Variants in AGO3 observed in about 807,000 individuals in gnomAD.
The protein encoded by AGO3 is argonaute RISC catalytic component 3, also known as protein argonaute-3.
Under a neutral mutation model 105.5 loss-of-function variants are expected in AGO3, and 16 were observed. The observed-to-expected ratio is 0.15, with a 90% CI of 0.10 to 0.23. AGO3 has a LOEUF of 0.23. Ranked by LOEUF, AGO3 falls within the 10% of genes least tolerant of loss-of-function variation. The pLI is 1.00. For synonymous variants in AGO3, 340 were observed against 367.3 expected (o/e 0.93, Z 0.85); for missense variants, 534 against 1,088.0 (o/e 0.49, Z 7.16).
At chr1:35,964,824 T>C (rs1000158292) in intron 2 of AGO3, among the ~76,000 whole-genome samples, 1 of 152,174 alleles carries the variant, frequency 6.6e-6, no homozygotes, top group Non-Finnish European at 1.5e-5. Context: ...CCATTCTGAC[T>C]GGCATGAGAT....
intron 13 of AGO3, among the ~76,000 whole-genome samples, chr1:36,035,418 ATAAAG>A (rs1375453005): frequency 2.0e-5 from 3 of 152,122 alleles, no homozygotes; most frequent in Admixed American, 6.6e-5. Context: ...CAATAATAAC[ATAAAG>A]TAAAATAAAA....
At chr1:36,054,868 C>T in intron 17 of AGO3, 78 bp from the exon 18 acceptor site, 1 of 1,400,610 alleles carries the variant, frequency 7.1e-7, no homozygotes, top group Non-Finnish European at 1.0e-6. Context: ...GGTGACAGAG[C>T]AAGACTTTGT....
chr1:35,946,887 G>A (rs910738906), intron 2 of AGO3, among the ~76,000 whole-genome samples: 2 of 152,176 alleles, frequency 1.3e-5, no homozygotes, highest in African/African-American at 4.8e-5. Context: ...CTCTTAAGAA[G>A]TTAACTAATC....
At chr1:35,977,912 A>G (rs1646981907) in intron 5 of AGO3, among the ~76,000 whole-genome samples, 1 of 152,192 alleles carries the variant, frequency 6.6e-6, no homozygotes, top group Non-Finnish European at 1.5e-5. Flanking sequence ...TTTATTTTAG[A>G]AAACAAAATG....
intron 6 of AGO3, among the ~76,000 whole-genome samples, chr1:36,006,718 T>G (rs1640352067): frequency 1.3e-5 from 2 of 152,212 alleles, no homozygotes; most frequent in Non-Finnish European, 2.9e-5. Flanking sequence ...GACATTTTTG[T>G]CTTATAAAGG....
chr1:36,013,786 A>G, intron 10 of AGO3, 34 bp downstream of exon 10: 1 of 1,608,660 alleles, frequency 6.2e-7, no homozygotes, highest in Non-Finnish European at 8.5e-7. Flanking sequence ...AATCATACAC[A>G]TATTGTCTGT....
At position 36,013,713 on chromosome 1, in the gene AGO3, A is replaced by T. The variant is rs1448693365; in HGVS notation, c.1233A>T (p.Gly411=). 3 of 1,614,062 alleles carry T rather than the reference A, an allele frequency of 1.9e-6. No homozygotes were observed. In the African/African-American group the frequency reaches 4.0e-5, roughly 22 times the overall value. ...KVRDEMAHVT[G]RVLPAPMLQY... ...GGGATGAAATGGCTCATGTAACTGG[A>T]CGCGTACTTCCAGCACCTATGCTCC... The change falls in exon 10 of 19, where the codon GGA becomes GGT. Residue 411 remains glycine, a synonymous_variant. Transcript: ENST00000373191.
At chr1:36,014,827 A>T (rs141554860) in intron 11 of AGO3, among the ~76,000 whole-genome samples, 72 of 152,010 alleles carry the variant, frequency 4.7e-4, no homozygotes, top group African/African-American at 1.6e-3. Context: ...TGTTAGTCAT[A>T]GTAAATTCCT....
At chr1:35,947,145 T>C (rs1646381571) in intron 2 of AGO3, among the ~76,000 whole-genome samples, 2 of 152,106 alleles carry the variant, frequency 1.3e-5, no homozygotes, top group Non-Finnish European at 2.9e-5. Flanking sequence ...AGGATAGCAG[T>C]AACAAAAGCA....
At chr1:35,939,008 A>G (rs1172794716) in intron 1 of AGO3, among the ~76,000 whole-genome samples, 4 of 152,216 alleles carry the variant, frequency 2.6e-5, no homozygotes, top group Non-Finnish European at 5.9e-5. Context: ...GTTATTATCC[A>G]GTACATACAA....
chr1:35,999,447 T>C (rs182900939), intron 5 of AGO3, among the ~76,000 whole-genome samples: 126 of 152,336 alleles, frequency 8.3e-4, no homozygotes, highest in African/African-American at 3.0e-3. Flanking sequence ...CCTGTTGATA[T>C]TTTGACTGAA....
chr1:36,039,628 C>T (rs1642167815), intron 14 of AGO3, among the ~76,000 whole-genome samples, 162 bp from the exon 15 acceptor site: 1 of 151,808 alleles, frequency 6.6e-6, no homozygotes, highest in Non-Finnish European at 1.5e-5. Context: ...ACTATAGGCA[C>T]ATGCCGTCAT....
chr1:35,945,406 T>C (rs1404459219), intron 1 of AGO3, among the ~76,000 whole-genome samples: 1 of 152,144 alleles, frequency 6.6e-6, no homozygotes, highest in East Asian at 1.9e-4. Flanking sequence ...ACTCTTTAGG[T>C]CTGACTTGTG....
At chr1:36,030,722 C>T (rs1355840300) in intron 12 of AGO3, among the ~76,000 whole-genome samples, 1 of 152,166 alleles carries the variant, frequency 6.6e-6, no homozygotes, top group Non-Finnish European at 1.5e-5. Flanking sequence ...CTCAAGTCAT[C>T]CTCCCGCCTC....
intron 17 of AGO3, among the ~76,000 whole-genome samples, chr1:36,044,454 C>T: frequency 6.6e-6 from 1 of 151,864 alleles, no homozygotes; most frequent in Middle Eastern, 3.2e-3. Context: ...GACAGAGTCT[C>T]ACTCTGTTGC....
At chr1:35,995,215 T>TAC (rs1648198107) in intron 5 of AGO3, among the ~76,000 whole-genome samples, 1 of 126,822 alleles carries the variant, frequency 7.9e-6, no homozygotes, top group Non-Finnish European at 1.7e-5. Flanking sequence ...AAAAAATATA[T>TAC]ATATATATAT....
rs112508712 is a variant in AGO3 at position 35,968,903 on chromosome 1, G to GTT, written c.312+1838_312+1839dup. ...CATGCCAACACTTGTTTTCTGTTTT[G>GTT]TTTTTTTTTTTGTTCGTTTTCTAAT... On this transcript the variant is annotated intron_variant, in intron 3 of 18. Transcript: ENST00000373191. Among the ~76,000 whole-genome samples the GTT allele has an allele frequency of 2.8e-3, 403 of 143,724 alleles. 1 individual carries two copies. The highest frequency in any genetic ancestry group is 0.014 in the Middle Eastern group (4 of 276). 94.3% of individuals were successfully genotyped at this position (143,724 alleles called of 152,430 possible).
At position 36,013,641 on chromosome 1, in the gene AGO3, A is replaced by G. The variant is rs1417882591; in HGVS notation, c.1161A>G (p.Ala387=). The change falls in exon 10 of 19, where the codon GCA becomes GCG. Residue 387 remains alanine, a synonymous_variant. Coordinates refer to ENST00000373191, the MANE Select transcript of AGO3 (RefSeq NM_024852.4). ...TTTTCTATTTTTAGGTAAGAAGTGC[A>G]AATTATGAAACAGATCCATTTGTTC... ...QEEISRLVRS[A]NYETDPFVQE... The G allele has an allele frequency of 1.2e-6, 2 of 1,613,460 alleles. No individual in the cohort carries two copies. The highest frequency in any genetic ancestry group is 2.2e-5 in the South Asian group (2 of 90,814).
At position 36,059,562 on chromosome 1, in the gene AGO3, T is replaced by C. The variant is rs1306983450; in HGVS notation, c.*3817T>C. The C allele has an allele frequency of 6.6e-6, 1 of 151,074 alleles. No individual in the cohort carries two copies. The highest frequency in any genetic ancestry group is 1.5e-5 in the Non-Finnish European group (1 of 67,896). 9.4% of individuals were successfully genotyped at this position (151,074 alleles called of 1,614,324 possible). A position where few individuals can be genotyped will look rare whatever the true frequency, so the allele number is the denominator to read the frequency against. On this transcript the variant is annotated 3_prime_UTR_variant, in exon 19 of 19. Transcript: ENST00000373191. ...AAATATCAGTCTGGCAACTAGATAA[T>C]TGATTTTCATATGAAGAAGAGTTGG...
Sources: gnomAD v4.1 joint callset for allele counts (sites outside exome capture counted in the v4.1 genomes callset) on GRCh38, gnomAD v4.1.1 for gene constraint, MANE v1.5 for transcripts, NCBI Gene and HGNC (gene_info 2026-07-23, HGNC 2026-07-21) for gene names.